The following HCRTR1 variants were observed in gnomAD, a reference collection of about 807,000 sequenced individuals.
The protein encoded by HCRTR1 is orexin/Hypocretin receptor type 1.
In HCRTR1, 28 loss-of-function variants were observed where a neutral mutation model predicts 40.6. That is an observed-to-expected ratio of 0.69 (90% CI 0.51 to 0.95). The LOEUF is 0.95. Ranked by LOEUF, HCRTR1 falls within the 40% of genes least tolerant of loss-of-function variation. The pLI, the probability that HCRTR1 is intolerant of heterozygous loss-of-function variation, is 0.00. For synonymous variants in HCRTR1, 209 were observed against 230.0 expected, an observed-to-expected ratio of 0.91 and a Z score of 0.83; for missense variants, 482 against 564.7, an observed-to-expected ratio of 0.85 and a Z score of 1.48.
chr1:31,622,597 T>C (rs1639881049), intron 6 of HCRTR1, among the ~76,000 whole-genome samples: 5 of 152,028 alleles, frequency 3.3e-5, no homozygotes, highest in Admixed American at 2.6e-4. Context: ...GAAAGGAAAA[T>C]GAGGTGGCTA....
In HCRTR1 at chr1:31,620,858, G is replaced by A. The variant is rs758555572; in HGVS notation, c.394G>A (p.Val132Met). 1.5e-5 allele frequency: 25 copies of A among 1,613,814 alleles called. No homozygotes were observed. In the South Asian group the frequency reaches 2.4e-4, roughly 16 times the overall value. Residue 132 changes from valine to methionine, a missense_variant, in exon 5 of 9, where the codon GTG (valine) becomes ATG (methionine). Transcript: ENST00000403528. ...CGTGGGGCAGGCTGTGTCCGTGTCA[G>A]TGGCAGTGCTAACTCTCAGCTTCAT... is the stretch of plus-strand genomic sequence containing the variant. ...IPYLQAVSVS[V>M]AVLTLSFIAL...
chr1:31,618,817 G>T lies in HCRTR1; in HGVS notation c.-143+1G>T, dbSNP rs1446327215. The T allele has an allele frequency of 1.1e-5, 3 of 269,458 alleles. No homozygotes were observed. The allele number at this position is 269,458 out of a possible 1,614,324, so 16.7% of individuals were successfully genotyped here. A position where few individuals can be genotyped will look rare whatever the true frequency, so the allele number is the denominator to read the frequency against. ...TTACTCCTCATCGTGGTCCTGTAAG[G>T]TATGTAGGGCTGTCACCCCATTAGA... On this transcript the variant is annotated splice_donor_variant, in intron 2 of 8. Transcript: ENST00000403528. LOFTEE classifies it low-confidence loss of function (5UTR_SPLICE).
At chr1:31,632,291 C>T (rs755201965), downstream of HCRTR1, 114 of 864,236 alleles carry the variant, frequency 1.3e-4, no homozygotes, top group Non-Finnish European at 2.1e-4. Context: ...ATTCTGGACC[C>T]AGGTGTTTCC....
intron 4 of HCRTR1, 105 bp downstream of exon 4, chr1:31,619,815 C>G (rs1639814521): frequency 9.3e-7 from 1 of 1,074,688 alleles, no homozygotes. Flanking sequence ...TCAGACAGGT[C>G]AGTGGCTCAT....
chr1:31,633,148 C>T (rs1482264309), downstream of HCRTR1: 16 of 1,610,088 alleles, frequency 9.9e-6, no homozygotes, highest in African/African-American at 1.1e-4. Context: ...AAGGGCAAGG[C>T]GGAGACTCAC....
downstream of HCRTR1, chr1:31,633,103 T>G (rs1359547625): frequency 2.6e-6 from 4 of 1,558,780 alleles, no homozygotes; most frequent in Non-Finnish European, 3.5e-6. Context: ...CCACCTACTG[T>G]CCACTATCAG....
chr1:31,619,770 C>T lies in HCRTR1; in HGVS notation c.378+60C>T, dbSNP rs889592549. The T allele has an allele frequency of 8.8e-6, 13 of 1,478,628 alleles. No homozygotes were observed. In the African/African-American group the frequency reaches 1.4e-4, roughly 16 times the overall value. The allele number at this position is 1,478,628 out of a possible 1,614,324, so 91.6% of individuals were successfully genotyped here. A position where few individuals can be genotyped will look rare whatever the true frequency, so the allele number is the denominator to read the frequency against. On this transcript the variant is annotated intron_variant, in intron 4 of 8. Coordinates refer to ENST00000403528, the MANE Select transcript of HCRTR1 (RefSeq NM_001525.3). Reference sequence around the variant, plus strand: ...GTCACGCCTGTAAAAAACCCACGGCCTTGCATAGGTCTCAGTGACCCCCAG... The same window carrying T: ...GTCACGCCTGTAAAAAACCCACGGCTTTGCATAGGTCTCAGTGACCCCCAG...
chr1:31,619,236 CT>C lies in HCRTR1; in HGVS notation c.45del (p.Gly16AlafsTer62), dbSNP rs1639796788. 5 of 1,613,586 alleles carry C rather than the reference CT, an allele frequency of 3.1e-6. No individual in the cohort carries two copies. In the East Asian group the frequency reaches 1.1e-4, roughly 36 times the overall value. On this transcript the variant is annotated frameshift_variant, in exon 3 of 9. Coordinates refer to ENST00000403528, the MANE Select transcript of HCRTR1 (RefSeq NM_001525.3). LOFTEE classifies it high-confidence loss of function. ...ATPGAQMGVP[P>X]GSREPSPVPP... ...CCAGGGGCCCAGATGGGGGTCCCCCCTGGCAGCAGAGAGCCGTCCCCTGTGC... is the reference window on the plus strand; with the variant it reads ...CCAGGGGCCCAGATGGGGGTCCCCCCGGCAGCAGAGAGCCGTCCCCTGTGC...
intron 7 of HCRTR1, among the ~76,000 whole-genome samples, chr1:31,624,001 T>C (rs1485762621): frequency 2.0e-5 from 3 of 152,154 alleles, no homozygotes; most frequent in Admixed American, 6.5e-5. Flanking sequence ...CCTGCCTTCA[T>C]GGAGGCTGCA....
chr1:31,630,785 C>T (rs139896724), downstream of HCRTR1: 123 of 1,613,630 alleles, frequency 7.6e-5, no homozygotes, highest in African/African-American at 1.2e-3. Context: ...TGGGCAGTAG[C>T]GGGAGACCAG....
downstream of HCRTR1, chr1:31,633,173 C>A: frequency 6.2e-7 from 1 of 1,613,592 alleles, no homozygotes; most frequent in East Asian, 2.2e-5. Context: ...CATCATGAGG[C>A]AGGTCTCATC....
rs374351024 is a variant in HCRTR1 at position 31,620,938 on chromosome 1, C to G, written c.474C>G (p.Ala158=). 5.6e-6 allele frequency: 9 copies of G among 1,614,104 alleles called. No homozygotes were observed. Among genetic ancestry groups the G allele is most frequent in the Non-Finnish European group, 7.6e-6 (9 of 1,180,036 alleles). Residue 158 remains alanine, a synonymous_variant, in exon 5 of 9, where the codon GCC becomes GCG. Transcript: ENST00000403528. ...ICHPLLFKST[A]RRARGSILGI... Reference sequence around the variant, plus strand: ...ACCCACTATTGTTCAAGAGCACAGCCCGGCGGGCCCGTGGCTCCATCCTGG... The same window carrying G: ...ACCCACTATTGTTCAAGAGCACAGCGCGGCGGGCCCGTGGCTCCATCCTGG...
chr1:31,621,541 C>T lies in HCRTR1; in HGVS notation c.687C>T (p.Gly229=). ...TTGTCACCTACCTGGCCCCACTGGG[C>T]CTCATGGCCATGGCCTATTTCCAGA... The part of the protein sequence containing the change: ...FFIVTYLAPL[G]LMAMAYFQIF... Residue 229 remains glycine (G), a synonymous_variant, in exon 6 of 9, where the codon GGC becomes GGT. Coordinates refer to ENST00000403528, the MANE Select transcript of HCRTR1 (RefSeq NM_001525.3). 6.2e-7 allele frequency: 1 copy of T among 1,614,070 alleles called. No homozygotes were observed. The highest frequency in any genetic ancestry group is 8.5e-7 in the Non-Finnish European group (1 of 1,180,020).
downstream of HCRTR1, among the ~76,000 whole-genome samples, chr1:31,633,583 G>A (rs114859508): frequency 3.0e-4 from 46 of 152,268 alleles, no homozygotes; most frequent in Middle Eastern, 6.8e-3. Flanking sequence ...TTTAAGGAAC[G>A]GGGACCTGTA....
At chr1:31,628,258 C>T (rs547333172), downstream of HCRTR1, among the ~76,000 whole-genome samples, 5 of 152,362 alleles carry the variant, frequency 3.3e-5, no homozygotes, top group East Asian at 7.7e-4. Context: ...GGGCCCAGCC[C>T]AGGAGTGTTG....
chr1:31,630,538 A>G (rs1640065880), downstream of HCRTR1: 1 of 1,355,078 alleles, frequency 7.4e-7, no homozygotes, highest in Non-Finnish European at 1.0e-6. Flanking sequence ...AAAAGAAGAG[A>G]TGTCCACATA....
Position 31,626,676 on chromosome 1 carries a change from C to A in HCRTR1, c.1088-114C>A. 4 of 1,033,360 alleles carry A rather than the reference C, an allele frequency of 3.9e-6. No individual in the cohort carries two copies. The highest frequency in any genetic ancestry group is 4.1e-6 in the Non-Finnish European group (3 of 724,224). The allele number at this position is 1,033,360 out of a possible 1,614,324, so 64.0% of individuals were successfully genotyped here. On this transcript the variant is annotated intron_variant, in intron 8 of 8. Coordinates refer to ENST00000403528, the MANE Select transcript of HCRTR1 (RefSeq NM_001525.3). This position sits in a 1 kb window ranked among gnomAD's most constrained non-coding sequence, Gnocchi z 4.6. ...CCCTCCCAGCTCTATCCCTCCCTCC[C>A]TCCCCGCCCCCTCATAGGCAGCTTG...
At chr1:31,619,439 T>C in intron 3 of HCRTR1, 48 bp downstream of exon 3, 1 of 1,612,590 alleles carries the variant, frequency 6.2e-7, no homozygotes, top group East Asian at 2.2e-5. Flanking sequence ...CCCTGGGGAT[T>C]GAAGGGGGTT....
chr1:31,627,281 C>T lies in HCRTR1; in HGVS notation c.*301C>T. On this transcript the variant is annotated 3_prime_UTR_variant, in exon 9 of 9. Transcript: ENST00000403528. ...ATCTGTCCCCATCCTCCTTCCAGAG[C>T]TTGGTCATCCTCCTAAAGACCCCTT... The T allele has an allele frequency of 1.4e-6, 2 of 1,392,806 alleles. No homozygotes were observed. The highest frequency in any genetic ancestry group is 2.4e-5 in the South Asian group (2 of 81,804). The allele number at this position is 1,392,806 out of a possible 1,614,324, so 86.3% of individuals were successfully genotyped here.
Sources: gnomAD v4.1 joint callset for allele counts (sites outside exome capture counted in the v4.1 genomes callset) on GRCh38, gnomAD v4.1.1 for gene constraint, Gnocchi (gnomAD v3.1) non-coding constraint, MANE v1.5 for transcripts, NCBI Gene and HGNC (gene_info 2026-07-23, HGNC 2026-07-21) for gene names.